Variants in RABL6 observed in about 807,000 individuals in gnomAD.
RABL6 encodes the protein rab-like protein 6.
RABL6 carries 28 observed loss-of-function variants against 72.9 expected under a neutral mutation model. That is an observed-to-expected ratio of 0.38 (90% CI 0.28 to 0.53). The LOEUF (loss-of-function observed/expected upper bound fraction) is 0.53. Among genes scored for constraint, RABL6 ranks in the 20% least tolerant of loss-of-function variants. RABL6 has a pLI of 0.80. For synonymous variants in RABL6, 477 were observed against 421.2 expected, an observed-to-expected ratio of 1.13 and a Z score of -1.62; for missense variants, 1,029 against 1,008.4, an observed-to-expected ratio of 1.02 and a Z score of -0.28.
Position 136,823,603 on chromosome 9 carries a change from A to T in RABL6, c.209A>T (p.Glu70Val), listed in dbSNP as rs1188958576. 1.9e-6 allele frequency: 3 copies of T among 1,613,768 alleles called. No homozygotes were observed. The highest frequency in any genetic ancestry group is 1.6e-4 in the Middle Eastern group (1 of 6,062). The change falls in exon 2 of 15, where the codon GAG (glutamate) becomes GTG (valine). Residue 70 changes from glutamate (E) to valine (V), a missense_variant. Around this residue, in one of 2 missense-constraint regions of RABL6, gnomAD observed 434 missense variants for 536.1 expected, o/e 0.81. Coordinates refer to ENST00000311502, the MANE Select transcript of RABL6 (RefSeq NM_024718.5). ...CGCCTGCAGGGCCGGCCGTTCGTGG[A>T]GGAGTACATCCCCACACAGGAGATC... ...WHRLQGRPFV[E>V]EYIPTQEIQV... is the part of the protein sequence containing the mutation.
chr9:136,836,550 T>G (rs1306805468), intron 8 of RABL6: 8 of 153,066 alleles, frequency 5.2e-5, no homozygotes, highest in Admixed American at 5.2e-4. Context: ...GTTTGATGCC[T>G]GGAGAGGGAC....
intron 8 of RABL6, chr9:136,837,033 C>T (rs1314457504): frequency 8.5e-6 from 4 of 471,956 alleles, no homozygotes; most frequent in Non-Finnish European, 1.6e-5. Context: ...GCCACCACAC[C>T]CGGCTAATTT....
intron 1 of RABL6, among the ~76,000 whole-genome samples, chr9:136,811,051 C>T (rs550721472): frequency 1.5e-4 from 23 of 152,092 alleles, no homozygotes; most frequent in African/African-American, 5.3e-4. Context: ...AATAAAAACT[C>T]GAATGAGACA....
chr9:136,813,939 A>T, intron 1 of RABL6: 1 of 372,416 alleles, frequency 2.7e-6, no homozygotes, highest in East Asian at 8.8e-5. Flanking sequence ...CTTGTAATTC[A>T]TCCTGAGTGA....
rs753799352 is a variant in RABL6 at position 136,828,513 on chromosome 9, C to T, written c.333C>T (p.Gly111=). ...VVDKGKCKKR[G]DGLKMENDPQ... ...AATAAGGAAAATGCAAAAAGCGAGG[C>T]GACGGCTTAAAGATGGAGAACGACC... is the stretch of plus-strand genomic sequence containing the variant. Residue 111 remains glycine, a synonymous_variant, in exon 4 of 15, where the codon GGC becomes GGT. Coordinates refer to ENST00000311502, the MANE Select transcript of RABL6 (RefSeq NM_024718.5). 67 of 1,613,166 alleles carry T rather than the reference C, an allele frequency of 4.2e-5. No homozygotes were observed. The East Asian group carries it at 5.1e-4, about 12-fold the overall frequency.
chr9:136,816,727 G>C (rs984764129), intron 1 of RABL6, among the ~76,000 whole-genome samples: 1 of 144,944 alleles, frequency 6.9e-6, no homozygotes, highest in Non-Finnish European at 1.5e-5. Flanking sequence ...AAAAAAAAGG[G>C]GGGGGGGGTA....
At chr9:136,812,287 C>T (rs976681533) in intron 1 of RABL6, among the ~76,000 whole-genome samples, 4 of 152,062 alleles carry the variant, frequency 2.6e-5, no homozygotes, top group Admixed American at 6.6e-5. Context: ...AGGCCGGGCA[C>T]GGTGGCTCAC....
Position 136,839,493 on chromosome 9 carries a change from C to T in RABL6, c.1758+7C>T, listed in dbSNP as rs187788693. ...AGACACACAGCGCAGGGCGGTAAGA[C>T]GAGTCCTCCCGGGGCAGAGGTCAGC... On this transcript the variant is annotated splice_region_variant and intron_variant, in intron 12 of 14. Transcript: ENST00000311502. The T allele has an allele frequency of 1.5e-4, 239 of 1,603,898 alleles. 5 individuals carry two copies. The South Asian group carries it at 2.1e-3, about 14-fold the overall frequency.
chr9:136,813,289 C>A, intron 1 of RABL6: 1 of 607,690 alleles, frequency 1.6e-6, no homozygotes, highest in South Asian at 1.7e-5. Flanking sequence ...AGTGCATGCA[C>A]ACCCTTTAGA....
intron 7 of RABL6, 165 bp downstream of exon 7, chr9:136,832,535 T>C: frequency 1.4e-6 from 1 of 725,642 alleles, no homozygotes; most frequent in South Asian, 1.5e-5. Context: ...CTGCCTGCTC[T>C]GGGTGGCAGA....
Position 136,839,854 on chromosome 9 carries a change from G to T in RABL6, c.1919G>T (p.Ser640Ile). 6.2e-7 allele frequency: 1 copy of T among 1,612,158 alleles called. No homozygotes were observed. The highest frequency in any genetic ancestry group is 8.5e-7 in the Non-Finnish European group (1 of 1,179,632). ...LGLEEAGPKE[S>I]SEEGKEGKTP... Reference sequence around the variant, plus strand: ...CTGGAGGAGGCCGGACCCAAGGAGAGCAGTGAGGAAGGTGGGTGGGGGCAC... The same window carrying T: ...CTGGAGGAGGCCGGACCCAAGGAGATCAGTGAGGAAGGTGGGTGGGGGCAC... Residue 640 changes from serine (S) to isoleucine (I), a missense_variant, in exon 13 of 15, where the codon AGC becomes ATC. Around this residue, in one of 2 missense-constraint regions of RABL6, gnomAD observed 595 missense variants for 472.4 expected, o/e 1.26. Coordinates refer to ENST00000311502, the MANE Select transcript of RABL6 (RefSeq NM_024718.5).
chr9:136,815,701 AGTT>A, intron 1 of RABL6, among the ~76,000 whole-genome samples: 2 of 152,164 alleles, frequency 1.3e-5, no homozygotes, highest in Non-Finnish European at 2.9e-5. Flanking sequence ...CCTGGTTAGG[AGTT>A]AAACCTTCAT....
chr9:136,830,590 C>T (rs1055226481), intron 5 of RABL6, among the ~76,000 whole-genome samples: 2 of 152,274 alleles, frequency 1.3e-5, no homozygotes, highest in Non-Finnish European at 2.9e-5. Flanking sequence ...CCTGTCTAGG[C>T]AGCAGGCCAG....
At chr9:136,824,834 CA>C (rs954956013) in intron 2 of RABL6, among the ~76,000 whole-genome samples, 5 of 152,200 alleles carry the variant, frequency 3.3e-5, no homozygotes, top group Non-Finnish European at 7.3e-5. Flanking sequence ...ACAGAGCCCA[CA>C]GGGCCGGCGC....
Position 136,839,257 on chromosome 9 carries a change from C to T in RABL6, c.1529C>T (p.Thr510Ile), listed in dbSNP as rs1336983697. The T allele has an allele frequency of 1.9e-6, 3 of 1,605,532 alleles. No individual in the cohort carries two copies. The highest frequency in any genetic ancestry group is 1.7e-6 in the Non-Finnish European group (2 of 1,176,560). Residue 510 changes from threonine to isoleucine, a missense_variant, in exon 12 of 15, where the codon ACA (threonine) becomes ATA (isoleucine). Physicochemically the swap from Thr to Ile is moderately conservative, Grantham distance 89. Around this residue, in one of 2 missense-constraint regions of RABL6, gnomAD observed 595 missense variants for 472.4 expected, o/e 1.26. Coordinates refer to ENST00000311502, the MANE Select transcript of RABL6 (RefSeq NM_024718.5). ...SIPASKPRRG[T>I]APTRTAAPPW... ...CCAGCTTCGAAGCCACGGAGGGGGACAGCTCCCACGAGGACCGCAGCACCC... is the reference window on the plus strand; with the variant it reads ...CCAGCTTCGAAGCCACGGAGGGGGATAGCTCCCACGAGGACCGCAGCACCC...
At chr9:136,833,922 T>C in intron 7 of RABL6, 2 of 1,550,072 alleles carry the variant, frequency 1.3e-6, no homozygotes, top group Non-Finnish European at 1.7e-6. Flanking sequence ...GATTACTCCT[T>C]AGAGAGCTCC....
At chr9:136,827,023 C>G (rs949897374) in intron 3 of RABL6, 1 of 152,602 alleles carries the variant, frequency 6.6e-6, no homozygotes, top group Admixed American at 6.5e-5. Context: ...CTGCTGTGCC[C>G]GGGGCTGGTG....
intron 2 of RABL6, among the ~76,000 whole-genome samples, chr9:136,824,643 C>T (rs539965053): frequency 6.6e-6 from 1 of 151,596 alleles, no homozygotes; most frequent in Non-Finnish European, 1.5e-5. Context: ...CTGTTTTAAA[C>T]ACCTTTCCTT....
rs781485537 is a variant in RABL6 at position 136,839,768 on chromosome 9, C to A, written c.1833C>A (p.Pro611=). The A allele has an allele frequency of 6.2e-7, 1 of 1,612,660 alleles. No homozygotes were observed. The highest frequency in any genetic ancestry group is 8.5e-7 in the Non-Finnish European group (1 of 1,179,660). The stretch of plus-strand genomic sequence containing the variant: ...AGGGCCCTGCCGAGCCGCCCCCACC[C>A]CCCAAGCTCCCTCTCCCCGCCTTCA... ...EDEGPAEPPP[P]PKLPLPAFRL... is the part of the protein sequence containing the mutation. The change falls in exon 13 of 15, where the codon CCC becomes CCA. Residue 611 remains proline (P), a synonymous_variant. Transcript: ENST00000311502.
Sources: allele counts gnomAD v4.1 joint callset (sites outside exome capture counted in the v4.1 genomes callset), GRCh38; gene constraint gnomAD v4.1.1; regional missense constraint gnomAD v4.1.1; transcripts MANE v1.5; gene names NCBI Gene and HGNC (gene_info 2026-07-23, HGNC 2026-07-21).